KDM2A: variants seen among roughly 807,000 people sequenced by gnomAD.
KDM2A encodes lysine-specific demethylase 2A.
KDM2A carries 3 observed loss-of-function variants against 137.3 expected under a neutral mutation model. That is an observed-to-expected ratio of 0.02 (90% CI 0.01 to 0.06). The LOEUF (loss-of-function observed/expected upper bound fraction) is 0.06, where lower values mean the gene tolerates loss of function less well. Among genes scored for constraint, KDM2A ranks in the 10% least tolerant of loss-of-function variants. The probability of loss-of-function intolerance (pLI) is 1.00; values close to 1 mark genes in which losing one functional copy is unlikely to be tolerated. For synonymous variants in KDM2A, 512 were observed against 541.5 expected (o/e 0.95, Z 0.76); for missense variants, 738 against 1,510.6 (o/e 0.49, Z 8.48).
chr11:67,220,012 T>A (rs1384492992), intron 10 of KDM2A, among the ~76,000 whole-genome samples: 1 of 152,026 alleles, frequency 6.6e-6, no homozygotes, highest in Non-Finnish European at 1.5e-5. Flanking sequence ...AAGTAACATT[T>A]TTTTCTTTTA....
chr11:67,201,218 A>ATATGTGTG (rs142075862), intron 5 of KDM2A, among the ~76,000 whole-genome samples: 192 of 145,504 alleles, frequency 1.3e-3, no homozygotes, highest in Admixed American at 2.9e-3. Flanking sequence ...ATATATATAT[A>ATATGTGTG]TGTGTGTGTG....
At chr11:67,239,943 G>A in intron 12 of KDM2A, 1 of 679,418 alleles carries the variant, frequency 1.5e-6, no homozygotes, top group Non-Finnish European at 2.0e-6. Context: ...TCGCGAGGAA[G>A]AAAGCAGTTG....
chr11:67,255,120 C>T lies in KDM2A; in HGVS notation c.*65C>T. ...CCTGACTCCCCACCGAGGAGAGCCTCTCCTCGACCCTGCACGGGCTCTGAG... is the reference window on the plus strand; with the variant it reads ...CCTGACTCCCCACCGAGGAGAGCCTTTCCTCGACCCTGCACGGGCTCTGAG... On this transcript the variant is annotated 3_prime_UTR_variant, in exon 21 of 21. Coordinates refer to ENST00000529006, the MANE Select transcript of KDM2A (RefSeq NM_012308.3). The T allele has an allele frequency of 2.1e-6, 3 of 1,440,936 alleles. No individual in the cohort carries two copies. The highest frequency in any genetic ancestry group is 2.8e-6 in the Non-Finnish European group (3 of 1,056,048). The allele number at this position is 1,440,936 out of a possible 1,614,324, so 89.3% of individuals were successfully genotyped here. A position where few individuals can be genotyped will look rare whatever the true frequency, so the allele number is the denominator to read the frequency against.
At chr11:67,211,263 C>T (rs1465026549) in intron 6 of KDM2A, among the ~76,000 whole-genome samples, 2 of 151,932 alleles carry the variant, frequency 1.3e-5, no homozygotes, top group African/African-American at 4.8e-5. Context: ...TTTAAGTGTG[C>T]ATTTCAGTGA....
intron 2 of KDM2A, among the ~76,000 whole-genome samples, chr11:67,151,871 C>A (rs552383765): frequency 2.2e-4 from 33 of 151,998 alleles, no homozygotes; most frequent in Non-Finnish European, 4.4e-4. Context: ...CAACCTCCTG[C>A]GTAGCTAGGA....
chr11:67,201,218 A>ATATGTG (rs142075862), intron 5 of KDM2A, among the ~76,000 whole-genome samples: 16 of 145,530 alleles, frequency 1.1e-4, no homozygotes, highest in South Asian at 6.6e-4. Context: ...ATATATATAT[A>ATATGTG]TGTGTGTGTG....
At chr11:67,159,772 C>G (rs1282704352) in intron 2 of KDM2A, among the ~76,000 whole-genome samples, 1 of 152,094 alleles carries the variant, frequency 6.6e-6, no homozygotes, top group Non-Finnish European at 1.5e-5. Flanking sequence ...ACCTTTTTCC[C>G]TCCAGAGTTT....
Position 67,207,605 on chromosome 11 carries a change from G to A in KDM2A, c.403G>A (p.Glu135Lys). The stretch of plus-strand genomic sequence containing the variant: ...GACACGCTACTATGAGACCCCAGAG[G>A]AGGAGCGAGAGAAACTCTATAATGT... ...QWTRYYETPEEEREKLYNVIS... is the reference protein window; with the variant it reads ...QWTRYYETPEKEREKLYNVIS... Residue 135 changes from glutamate (E) to lysine (K), a missense_variant, in exon 6 of 21, where the codon GAG (glutamate) becomes AAG (lysine). Glu to Lys is a moderately conservative substitution (Grantham distance 56). Coordinates refer to ENST00000529006, the MANE Select transcript of KDM2A (RefSeq NM_012308.3). 1 of 1,613,836 alleles carries A rather than the reference G, an allele frequency of 6.2e-7. No individual in the cohort carries two copies. The highest frequency in any genetic ancestry group is 8.5e-7 in the Non-Finnish European group (1 of 1,179,832).
intron 2 of KDM2A, among the ~76,000 whole-genome samples, chr11:67,156,718 CAAAAAA>C (rs56973148): frequency 2.2e-5 from 2 of 90,892 alleles, no homozygotes; most frequent in Admixed American, 1.2e-4. Flanking sequence ...GACTCCATCT[CAAAAAA>C]AAAAAAAAAA....
chr11:67,193,277 A>G (rs1310546325), intron 5 of KDM2A, among the ~76,000 whole-genome samples: 2 of 152,346 alleles, frequency 1.3e-5, no homozygotes, highest in African/African-American at 2.4e-5. Context: ...GGCGTGAGCC[A>G]CCGCACCTGG....
chr11:67,188,481 C>CA (rs764954297), intron 5 of KDM2A, among the ~76,000 whole-genome samples: 4,533 of 91,770 alleles, frequency 0.049, 104 homozygotes, highest in African/African-American at 0.099. Flanking sequence ...GACTCTGTCT[C>CA]AAAAAAAAAA....
At chr11:67,145,933 A>G (rs1856234217) in intron 2 of KDM2A, among the ~76,000 whole-genome samples, 1 of 148,046 alleles carries the variant, frequency 6.8e-6, no homozygotes, top group Non-Finnish European at 1.5e-5. Context: ...GAGATTTTCA[A>G]CATGTTTCTC....
At chr11:67,147,497 G>A (rs370871497) in intron 2 of KDM2A, among the ~76,000 whole-genome samples, 7 of 150,668 alleles carry the variant, frequency 4.6e-5, no homozygotes, top group Admixed American at 2.6e-4. Context: ...AGCCGAGATC[G>A]CGCCACTGCA....
chr11:67,190,489 G>A (rs1857325767), intron 5 of KDM2A, among the ~76,000 whole-genome samples: 1 of 152,170 alleles, frequency 6.6e-6, no homozygotes, highest in Admixed American at 6.5e-5. Flanking sequence ...ACTATGCGTG[G>A]TGGCTCATTC....
intron 5 of KDM2A, among the ~76,000 whole-genome samples, chr11:67,189,899 A>G (rs190072538): frequency 1.1e-4 from 16 of 152,284 alleles, no homozygotes; most frequent in Admixed American, 9.2e-4. Flanking sequence ...TCAACAACCT[A>G]ACCTTACAAC....
intron 12 of KDM2A, among the ~76,000 whole-genome samples, chr11:67,235,604 T>TTTTTGTTTTG (rs57740370): frequency 1.3e-3 from 185 of 138,800 alleles, no homozygotes; most frequent in African/African-American, 4.3e-3. Context: ...CCCGGCTGCT[T>TTTTTGTTTTG]TTTTGTTTTG....
chr11:67,205,915 C>A (rs534070563), intron 5 of KDM2A, among the ~76,000 whole-genome samples: 1 of 152,144 alleles, frequency 6.6e-6, no homozygotes, highest in African/African-American at 2.4e-5. Flanking sequence ...TCTACTTATT[C>A]TTCTCCCTCT....
intron 5 of KDM2A, among the ~76,000 whole-genome samples, chr11:67,200,994 C>A (rs1857606266): frequency 6.6e-6 from 1 of 151,690 alleles, no homozygotes; most frequent in African/African-American, 2.4e-5. Flanking sequence ...GAGATTGAGA[C>A]CATCTGGCTA....
At chr11:67,147,813 G>C (rs543331594) in intron 2 of KDM2A, among the ~76,000 whole-genome samples, 2 of 151,502 alleles carry the variant, frequency 1.3e-5, no homozygotes, top group Non-Finnish European at 2.9e-5. Flanking sequence ...AAGTAGCTGC[G>C]ATTACAGGCG....
Sources: allele counts gnomAD v4.1 joint callset (sites outside exome capture counted in the v4.1 genomes callset), GRCh38; gene constraint gnomAD v4.1.1; transcripts MANE v1.5; gene names NCBI Gene and HGNC (gene_info 2026-07-23, HGNC 2026-07-21).